Variants in MANBA observed in about 807,000 individuals in gnomAD.
The protein encoded by MANBA is beta-mannosidase.
A neutral mutation model predicts 111.1 loss-of-function variants in MANBA; 83 were observed. That is an observed-to-expected ratio of 0.75 (90% CI 0.63 to 0.90). The LOEUF (loss-of-function observed/expected upper bound fraction) is 0.90. Among genes scored for constraint, MANBA ranks in the 40% least tolerant of loss-of-function variants. MANBA has a pLI of 0.00. For missense variants in MANBA, 1,036 were observed against 1,069.0 expected (o/e 0.97, Z 0.43); for synonymous variants, 370 against 378.7 (o/e 0.98, Z 0.27).
In MANBA at chr4:102,664,762, T is replaced by G; in HGVS notation, c.1408A>C (p.Ser470Arg). 6.2e-7 allele frequency: 1 copy of G among 1,611,294 alleles called. No homozygotes were observed. Among genetic ancestry groups the G allele is most frequent in the Non-Finnish European group, 8.5e-7 (1 of 1,177,346 alleles). Residue 470 changes from serine to arginine, a missense_variant, in exon 11 of 17, where the codon AGT (serine) becomes CGT (arginine). Coordinates refer to ENST00000647097, the MANE Select transcript of MANBA (RefSeq NM_005908.4). ...EALMMNWYHISFTDRPIYIKD... is the reference protein window; with the variant it reads ...EALMMNWYHIRFTDRPIYIKD... The stretch of plus-strand genomic sequence containing the variant: ...ATGTAGATTGGCCGGTCAGTGAAAC[T>G]GATATGATACCAATTCATCATCAGC...
intron 1 of MANBA, chr4:102,727,913 G>T: frequency 2.0e-6 from 1 of 497,224 alleles, no homozygotes; most frequent in South Asian, 1.8e-5. Flanking sequence ...TGCAGAGAAT[G>T]GAGGCCTCTT....
At chr4:102,636,157 G>T in intron 14 of MANBA, 150 bp from the exon 15 acceptor site, 1 of 707,622 alleles carries the variant, frequency 1.4e-6, no homozygotes, top group Non-Finnish European at 2.5e-6. Flanking sequence ...TGTTTGTGAA[G>T]CGCTCTGAGC....
At chr4:102,729,936 TC>T in intron 1 of MANBA, 1 of 1,339,796 alleles carries the variant, frequency 7.5e-7, no homozygotes, top group Non-Finnish European at 1.1e-6. Flanking sequence ...GGGGTCCACC[TC>T]CAGGTTAAGG....
At chr4:102,696,993 T>A (rs1340649872) in intron 5 of MANBA, among the ~76,000 whole-genome samples, 1 of 152,192 alleles carries the variant, frequency 6.6e-6, no homozygotes, top group African/African-American at 2.4e-5. Context: ...TTAAAACAGC[T>A]GTTTTCCCTC....
intron 15 of MANBA, 24 bp from the exon 16 acceptor site, chr4:102,635,069 A>G (rs565455716): frequency 6.2e-7 from 1 of 1,613,018 alleles, no homozygotes; most frequent in Non-Finnish European, 8.5e-7. Context: ...AAACAGAATA[A>G]AAACAGGCAT....
intron 7 of MANBA, among the ~76,000 whole-genome samples, chr4:102,676,214 A>T (rs1331893075): frequency 6.6e-6 from 1 of 152,222 alleles, no homozygotes; most frequent in Non-Finnish European, 1.5e-5. Context: ...TGGAACATTT[A>T]AAAATAATAT....
intron 4 of MANBA, among the ~76,000 whole-genome samples, chr4:102,721,161 TA>T (rs1297162221): frequency 6.6e-6 from 1 of 152,034 alleles, no homozygotes; most frequent in Non-Finnish European, 1.5e-5. Flanking sequence ...CCGTCTCTAC[TA>T]AAAATTAAAA....
At chr4:102,758,551 CTTTT>C (rs374542775) in intron 1 of MANBA, among the ~76,000 whole-genome samples, 3 of 137,126 alleles carry the variant, frequency 2.2e-5, no homozygotes, top group Non-Finnish European at 1.6e-5. Flanking sequence ...TACTTTTTTT[CTTTT>C]TTTTTTTTTT....
chr4:102,748,929 C>A (rs1560813800), intron 1 of MANBA, among the ~76,000 whole-genome samples: 1 of 151,156 alleles, frequency 6.6e-6, no homozygotes, highest in East Asian at 1.9e-4. Context: ...AAAAAAAAAA[C>A]CCATTTGCTA....
At chr4:102,743,697 T>C (rs946854137) in intron 1 of MANBA, among the ~76,000 whole-genome samples, 2 of 152,184 alleles carry the variant, frequency 1.3e-5, no homozygotes, top group African/African-American at 4.8e-5. Context: ...AATGCTGCTG[T>C]ACACAACCTA....
intron 1 of MANBA, among the ~76,000 whole-genome samples, chr4:102,757,063 C>T (rs1056648019): frequency 9.9e-5 from 15 of 152,074 alleles, no homozygotes; most frequent in African/African-American, 3.6e-4. Flanking sequence ...GGCACGGTGG[C>T]TCATGCCTGT....
At chr4:102,642,536 G>A (rs1237260945) in intron 13 of MANBA, among the ~76,000 whole-genome samples, 1 of 152,156 alleles carries the variant, frequency 6.6e-6, no homozygotes, top group African/African-American at 2.4e-5. Context: ...GAACTTGGGA[G>A]GCAGAGGTTG....
chr4:102,667,633 TAG>T (rs1182066289), intron 10 of MANBA: 1 of 152,212 alleles, frequency 6.6e-6, no homozygotes, highest in Non-Finnish European at 1.5e-5. Flanking sequence ...GACATCATAC[TAG>T]AGTTATAGAT....
At chr4:102,719,729 C>A (rs1722490067) in intron 4 of MANBA, among the ~76,000 whole-genome samples, 1 of 152,206 alleles carries the variant, frequency 6.6e-6, no homozygotes, top group South Asian at 2.1e-4. Context: ...CAGGGATTAG[C>A]TCCATGTACA....
At chr4:102,701,335 A>C (rs907827391) in intron 5 of MANBA, among the ~76,000 whole-genome samples, 1 of 151,884 alleles carries the variant, frequency 6.6e-6, no homozygotes, top group Non-Finnish European at 1.5e-5. Flanking sequence ...TGTGTCTTTT[A>C]ATTGGAGCAT....
chr4:102,723,167 C>CA, intron 3 of MANBA, 126 bp from the exon 4 acceptor site: 9 of 809,676 alleles, frequency 1.1e-5, no homozygotes, highest in Non-Finnish European at 1.7e-5. Flanking sequence ...AGCCTCCTTG[C>CA]AGGAGGGAAC....
At chr4:102,657,543 T>A (rs1489679458) in intron 12 of MANBA, 139 bp downstream of exon 12, 2 of 742,890 alleles carry the variant, frequency 2.7e-6, no homozygotes, top group Admixed American at 2.6e-5. Flanking sequence ...TTTAAAAAAA[T>A]TATTTTCCTC....
chr4:102,657,213 G>C (rs1226198304), intron 12 of MANBA, among the ~76,000 whole-genome samples: 1 of 100,894 alleles, frequency 9.9e-6, no homozygotes. Context: ...GGGAGAGAGA[G>C]GAGTGGGGTG....
chr4:102,743,049 G>A (rs1317901064), intron 1 of MANBA, among the ~76,000 whole-genome samples: 1 of 152,220 alleles, frequency 6.6e-6, no homozygotes, highest in Non-Finnish European at 1.5e-5. Context: ...GGGATGGCTG[G>A]GGAAAGAGGC....
Sources: allele counts gnomAD v4.1 joint callset (sites outside exome capture counted in the v4.1 genomes callset), GRCh38; gene constraint gnomAD v4.1.1; transcripts MANE v1.5; gene names NCBI Gene and HGNC (gene_info 2026-07-23, HGNC 2026-07-21).